The following NEDD4L variants were observed in gnomAD, a reference collection of about 807,000 sequenced individuals.
NEDD4L encodes E3 ubiquitin-protein ligase NEDD4-like.
A neutral mutation model predicts 148.9 loss-of-function variants in NEDD4L; 54 were observed. The observed-to-expected ratio is 0.36, with a 90% CI of 0.29 to 0.45. NEDD4L has a LOEUF of 0.45. Ranked by LOEUF, NEDD4L falls within the 20% of genes least tolerant of loss-of-function variation. The probability of loss-of-function intolerance (pLI) is 1.00; values close to 1 mark genes in which losing one functional copy is unlikely to be tolerated. For synonymous variants in NEDD4L, 433 were observed against 440.7 expected (o/e 0.98, Z 0.22); for missense variants, 856 against 1,233.8 (o/e 0.69, Z 4.59).
intron 1 of NEDD4L, among the ~76,000 whole-genome samples, chr18:58,079,864 A>G (rs568439233): frequency 6.6e-6 from 1 of 152,368 alleles, no homozygotes; most frequent in African/African-American, 2.4e-5. Context: ...CCAGAGAAGT[A>G]TGAGAAACTG....
At chr18:58,255,504 G>T (rs886078738) in intron 5 of NEDD4L, 6 of 1,230,718 alleles carry the variant, frequency 4.9e-6, no homozygotes, top group Non-Finnish European at 6.1e-6. Context: ...GCTATCTGTC[G>T]CTCCCGGTGC....
intron 1 of NEDD4L, among the ~76,000 whole-genome samples, chr18:58,129,133 T>A (rs1369953741): frequency 1.3e-5 from 2 of 152,224 alleles, no homozygotes; most frequent in African/African-American, 2.4e-5. Context: ...CCAGCCCAGA[T>A]TGCTGATAGA....
At chr18:58,222,609 G>C (rs2043893373) in intron 2 of NEDD4L, among the ~76,000 whole-genome samples, 1 of 152,116 alleles carries the variant, frequency 6.6e-6, no homozygotes, top group Admixed American at 6.5e-5. Context: ...ACTGGTTATA[G>C]TGTATCCATA....
chr18:58,201,342 A>AT (rs974430152), intron 2 of NEDD4L, among the ~76,000 whole-genome samples: 2 of 152,142 alleles, frequency 1.3e-5, no homozygotes, highest in African/African-American at 4.8e-5. Context: ...CAAAAAAAAA[A>AT]AGCAGAAGAT....
intron 1 of NEDD4L, among the ~76,000 whole-genome samples, chr18:58,107,736 G>T (rs2145604295): frequency 6.7e-6 from 1 of 148,666 alleles, no homozygotes; most frequent in East Asian, 1.9e-4. Flanking sequence ...AAAAAAAAAA[G>T]GCTTTCAACA....
At chr18:58,225,721 G>A (rs531522461) in intron 2 of NEDD4L, among the ~76,000 whole-genome samples, 13 of 152,226 alleles carry the variant, frequency 8.5e-5, no homozygotes, top group Admixed American at 1.3e-4. Flanking sequence ...TATTAGGTCC[G>A]GAGCCAGTGG....
At chr18:58,105,244 G>T (rs1032475374) in intron 1 of NEDD4L, among the ~76,000 whole-genome samples, 4 of 152,222 alleles carry the variant, frequency 2.6e-5, no homozygotes, top group African/African-American at 7.2e-5. Context: ...CTGAAGCCCA[G>T]AAACGCATAA....
chr18:58,360,313 GT>G (rs1394825669), intron 19 of NEDD4L, among the ~76,000 whole-genome samples: 2 of 152,130 alleles, frequency 1.3e-5, no homozygotes, highest in Admixed American at 6.5e-5. Flanking sequence ...CTAAGTATCT[GT>G]TTCTGTAACT....
At chr18:58,218,588 C>T (rs560524355) in intron 2 of NEDD4L, among the ~76,000 whole-genome samples, 1 of 152,296 alleles carries the variant, frequency 6.6e-6, no homozygotes, top group South Asian at 2.1e-4. Flanking sequence ...CCCTCCTCTC[C>T]TTTTGCTTAT....
At chr18:58,287,651 C>G (rs2054132553) in intron 5 of NEDD4L, among the ~76,000 whole-genome samples, 1 of 152,178 alleles carries the variant, frequency 6.6e-6, no homozygotes, top group Admixed American at 6.5e-5. Flanking sequence ...TGCGGTCTTA[C>G]AGAGGTCTTA....
chr18:58,343,259 A>T (rs1219861619), intron 16 of NEDD4L, among the ~76,000 whole-genome samples, 156 bp downstream of exon 16: 1 of 146,060 alleles, frequency 6.8e-6, no homozygotes, highest in Non-Finnish European at 1.5e-5. Flanking sequence ...CCCCTGCATA[A>T]ATGGGCGGGT....
At chr18:58,190,579 G>T (rs2039994984) in intron 2 of NEDD4L, among the ~76,000 whole-genome samples, 1 of 152,308 alleles carries the variant, frequency 6.6e-6, no homozygotes, top group Middle Eastern at 3.4e-3. Context: ...CCTCAGAGAA[G>T]CAGGCTCATG....
chr18:58,155,269 GAA>G (rs35699329), intron 1 of NEDD4L, among the ~76,000 whole-genome samples: 12 of 124,590 alleles, frequency 9.6e-5, no homozygotes, highest in East Asian at 2.2e-4. Flanking sequence ...CTTGTGTTTT[GAA>G]AAAAAAAAAA....
chr18:58,353,818 G>C (rs917881522), intron 18 of NEDD4L, among the ~76,000 whole-genome samples: 5 of 152,164 alleles, frequency 3.3e-5, no homozygotes, highest in Non-Finnish European at 7.4e-5. Flanking sequence ...CAGGAACCAG[G>C]TTATGCCCAC....
chr18:58,066,067 C>A (rs1188730293), intron 1 of NEDD4L, among the ~76,000 whole-genome samples: 1 of 152,212 alleles, frequency 6.6e-6, no homozygotes, highest in Non-Finnish European at 1.5e-5. Flanking sequence ...AGGAAGGAAA[C>A]TTGGTAGATT....
At chr18:58,386,121 C>T (rs555440846) in intron 26 of NEDD4L, among the ~76,000 whole-genome samples, 5 of 151,992 alleles carry the variant, frequency 3.3e-5, no homozygotes, top group African/African-American at 9.7e-5. Context: ...GGTGCGATCT[C>T]GGCTCACTGC....
chr18:58,093,743 C>G (rs563490299), intron 1 of NEDD4L, among the ~76,000 whole-genome samples: 166 of 152,316 alleles, frequency 1.1e-3, no homozygotes, highest in Non-Finnish European at 1.7e-3. Flanking sequence ...GGAGAATTCC[C>G]ATCAACTCTC....
chr18:58,244,410 A>G (rs2047002385), intron 2 of NEDD4L, among the ~76,000 whole-genome samples: 1 of 152,234 alleles, frequency 6.6e-6, no homozygotes, highest in South Asian at 2.1e-4. Context: ...GAGCTACCCC[A>G]GGGCTAGCAA....
chr18:58,387,597 C>G, intron 27 of NEDD4L, 99 bp downstream of exon 27: 1 of 1,267,728 alleles, frequency 7.9e-7, no homozygotes, highest in Non-Finnish European at 1.1e-6. Flanking sequence ...CCATAATGTC[C>G]TAGAGAGTAA....
Sources: gnomAD v4.1 joint callset for allele counts (sites outside exome capture counted in the v4.1 genomes callset) on GRCh38, gnomAD v4.1.1 for gene constraint, MANE v1.5 for transcripts, NCBI Gene and HGNC (gene_info 2026-07-23, HGNC 2026-07-21) for gene names.